The following NCK2 variants were observed in gnomAD, a reference collection of about 807,000 sequenced individuals.
NCK2 encodes cytoplasmic protein NCK2.
Under a neutral mutation model 33.9 loss-of-function variants are expected in NCK2, and 16 were observed. The ratio of observed to expected loss-of-function variants is 0.47; its 90% confidence interval spans 0.32 to 0.72. The LOEUF (loss-of-function observed/expected upper bound fraction) is 0.72, where lower values mean the gene tolerates loss of function less well. NCK2 is among the 30% of genes least tolerant of loss of function. NCK2 has a pLI of 0.03. For missense variants in NCK2, 418 were observed against 537.3 expected (o/e 0.78, Z 2.19); for synonymous variants, 273 against 239.9 (o/e 1.14, Z -1.27).
intron 3 of NCK2, among the ~76,000 whole-genome samples, chr2:105,862,801 G>A (rs143320625): frequency 4.4e-4 from 67 of 152,214 alleles, no homozygotes; most frequent in African/African-American, 1.4e-3. Flanking sequence ...TGTTTTTTGC[G>A]CCGTTTTTGT....
chr2:105,856,287 C>T (rs990461346), intron 3 of NCK2, among the ~76,000 whole-genome samples: 2 of 151,832 alleles, frequency 1.3e-5, no homozygotes, highest in Admixed American at 6.6e-5. Context: ...AAAATAATTG[C>T]GAGGACTTTT....
intron 1 of NCK2, among the ~76,000 whole-genome samples, chr2:105,793,807 T>G (rs1190509867): frequency 6.6e-6 from 1 of 152,070 alleles, no homozygotes; most frequent in African/African-American, 2.4e-5. Flanking sequence ...CAGGGAGCTG[T>G]GGGGGTTTCA....
At chr2:105,880,767 C>T (rs1034615960) in intron 3 of NCK2, among the ~76,000 whole-genome samples, 1 of 152,082 alleles carries the variant, frequency 6.6e-6, no homozygotes, top group Non-Finnish European at 1.5e-5. Context: ...TTTTGTGTCA[C>T]TGGTATTCCC....
At chr2:105,844,426 C>T (rs558071259) in intron 2 of NCK2, among the ~76,000 whole-genome samples, 1 of 152,014 alleles carries the variant, frequency 6.6e-6, no homozygotes, top group African/African-American at 2.4e-5. Context: ...CTATTTTAGT[C>T]TAAAAAATAT....
At chr2:105,804,478 A>T (rs1310607986) in intron 1 of NCK2, among the ~76,000 whole-genome samples, 1 of 152,184 alleles carries the variant, frequency 6.6e-6, no homozygotes, top group Non-Finnish European at 1.5e-5. Flanking sequence ...GGCATTTATG[A>T]TGATTTCCAC....
At chr2:105,846,558 A>G (rs891964507) in intron 2 of NCK2, 24 of 152,208 alleles carry the variant, frequency 1.6e-4, no homozygotes, top group Admixed American at 1.6e-3. Context: ...CTTTTTATTG[A>G]GAATTGCTAT....
At chr2:105,849,225 T>C (rs1300288212) in intron 2 of NCK2, among the ~76,000 whole-genome samples, 1 of 152,094 alleles carries the variant, frequency 6.6e-6, no homozygotes, top group Admixed American at 6.5e-5. Context: ...GATAACCCCA[T>C]ATCTACAAAA....
intron 2 of NCK2, among the ~76,000 whole-genome samples, chr2:105,822,481 G>A (rs964078006): frequency 6.6e-6 from 1 of 152,030 alleles, no homozygotes; most frequent in Non-Finnish European, 1.5e-5. Context: ...GGTCCCTGAC[G>A]CTTCCCACAG....
chr2:105,882,137 G>A (rs1678530119), intron 4 of NCK2, 88 bp downstream of exon 4: 4 of 1,346,180 alleles, frequency 3.0e-6, no homozygotes, highest in Non-Finnish European at 3.8e-6. Flanking sequence ...TTCACATTGT[G>A]TGAGTACACT....
intron 1 of NCK2, among the ~76,000 whole-genome samples, chr2:105,771,095 T>A (rs1173336425): frequency 2.0e-5 from 3 of 152,028 alleles, no homozygotes; most frequent in Admixed American, 1.3e-4. Flanking sequence ...GCTACTTTTT[T>A]GTATTTTTAG....
intron 3 of NCK2, among the ~76,000 whole-genome samples, chr2:105,879,667 G>A (rs184294416): frequency 7.9e-5 from 12 of 152,354 alleles, no homozygotes; most frequent in Non-Finnish European, 1.2e-4. Context: ...GCCTCCTGGC[G>A]CCGCGTGGGC....
chr2:105,861,104 C>A (rs1268887176), intron 3 of NCK2, among the ~76,000 whole-genome samples: 1 of 152,032 alleles, frequency 6.6e-6, no homozygotes, highest in Non-Finnish European at 1.5e-5. Context: ...AAATTGAGTT[C>A]TTGTGAAAGT....
chr2:105,769,007 T>G (rs1690038723), intron 1 of NCK2, among the ~76,000 whole-genome samples: 1 of 152,030 alleles, frequency 6.6e-6, no homozygotes, highest in African/African-American at 2.4e-5. Flanking sequence ...TGCAGAAAGT[T>G]CCCACTCTCT....
At chr2:105,788,405 T>A (rs985156080) in intron 1 of NCK2, among the ~76,000 whole-genome samples, 1 of 152,220 alleles carries the variant, frequency 6.6e-6, no homozygotes, top group Non-Finnish European at 1.5e-5. Context: ...TTTTCCATGC[T>A]TAGGTTTCCT....
intron 4 of NCK2, among the ~76,000 whole-genome samples, chr2:105,888,062 C>A (rs531912816): frequency 6.6e-6 from 1 of 152,272 alleles, no homozygotes; most frequent in African/African-American, 2.4e-5. Context: ...AAATAGGGTT[C>A]TTGCACTTAG....
chr2:105,845,778 C>T (rs1025031940), intron 2 of NCK2, among the ~76,000 whole-genome samples: 7 of 152,056 alleles, frequency 4.6e-5, no homozygotes, highest in Non-Finnish European at 1.0e-4. Flanking sequence ...GCCTGATAAA[C>T]CGCTAAAAAT....
intron 3 of NCK2, among the ~76,000 whole-genome samples, chr2:105,858,531 G>A (rs905372589): frequency 2.0e-5 from 3 of 152,016 alleles, no homozygotes; most frequent in African/African-American, 7.3e-5. Flanking sequence ...TTACTGCTTT[G>A]GGAGTCCACC....
intron 1 of NCK2, among the ~76,000 whole-genome samples, chr2:105,776,162 C>G (rs1469486213): frequency 1.3e-5 from 2 of 152,138 alleles, no homozygotes; most frequent in Non-Finnish European, 2.9e-5. Flanking sequence ...TCTCAGTGCT[C>G]TGCCCTGCCA....
At chr2:105,814,708 C>T (rs1037674841) in intron 1 of NCK2, among the ~76,000 whole-genome samples, 46 of 152,162 alleles carry the variant, frequency 3.0e-4, no homozygotes, top group African/African-American at 1.0e-3. Flanking sequence ...CCTTTAGTGT[C>T]ACTGAGAAAG....
Sources: gnomAD v4.1 joint callset for allele counts (sites outside exome capture counted in the v4.1 genomes callset) on GRCh38, gnomAD v4.1.1 for gene constraint, MANE v1.5 for transcripts, NCBI Gene and HGNC (gene_info 2026-07-23, HGNC 2026-07-21) for gene names.